The following PCDH15 variants were observed in gnomAD, a reference collection of about 807,000 sequenced individuals.
PCDH15 encodes protocadherin related 15.
In PCDH15, 129 loss-of-function variants were observed where a neutral mutation model predicts 178.5. The observed-to-expected ratio is 0.72, with a 90% CI of 0.63 to 0.84. The LOEUF (loss-of-function observed/expected upper bound fraction) is 0.84. PCDH15 is among the 40% of genes least tolerant of loss of function. The probability of loss-of-function intolerance (pLI) is 0.00; values close to 1 mark genes in which losing one functional copy is unlikely to be tolerated. For synonymous variants in PCDH15, 800 were observed against 732.0 expected, an observed-to-expected ratio of 1.09 and a Z score of -1.50; for missense variants, 2,230 against 2,099.9, an observed-to-expected ratio of 1.06 and a Z score of -1.21.
At chr10:55,418,750 CAT>C (rs1448676224) in intron 2 of PCDH15, among the ~76,000 whole-genome samples, 1 of 151,678 alleles carries the variant, frequency 6.6e-6, no homozygotes, top group Non-Finnish European at 1.5e-5. Context: ...AAATGAAAGT[CAT>C]AATAAAATCA....
At chr10:54,958,886 T>C (rs554515576) in intron 2 of PCDH15, among the ~76,000 whole-genome samples, 1 of 152,062 alleles carries the variant, frequency 6.6e-6, no homozygotes, top group Non-Finnish European at 1.5e-5. Flanking sequence ...ATGTTCTTTG[T>C]AAAACTGACT....
chr10:55,163,099 A>G (rs1049512966), intron 2 of PCDH15, among the ~76,000 whole-genome samples: 8 of 152,008 alleles, frequency 5.3e-5, no homozygotes, highest in Non-Finnish European at 1.2e-4. Context: ...TTATCAACCA[A>G]TCAGCAATTT....
intron 1 of PCDH15, among the ~76,000 whole-genome samples, chr10:55,210,703 A>T (rs1840546877): frequency 7.9e-6 from 1 of 126,892 alleles, no homozygotes; most frequent in African/African-American, 3.1e-5. Flanking sequence ...ATCTCGGCTC[A>T]CTGCAATCTC....
intron 18 of PCDH15, among the ~76,000 whole-genome samples, chr10:54,051,058 C>T (rs1180064699): frequency 6.6e-6 from 1 of 152,132 alleles, no homozygotes; most frequent in African/African-American, 2.4e-5. Context: ...TCGTAAGTTT[C>T]CTGAGGCTTC....
chr10:54,652,702 A>G (rs2094290039), intron 2 of PCDH15, among the ~76,000 whole-genome samples: 1 of 152,222 alleles, frequency 6.6e-6, no homozygotes, highest in African/African-American at 2.4e-5. Context: ...GTGAAGAGGC[A>G]GCAAGAGGGT....
At chr10:54,303,626 G>A (rs2060280481) in intron 8 of PCDH15, among the ~76,000 whole-genome samples, 1 of 152,032 alleles carries the variant, frequency 6.6e-6, no homozygotes, top group South Asian at 2.1e-4. Context: ...CCAAATGTGT[G>A]TTATTAATCA....
At chr10:54,461,517 C>T (rs1221679362) in intron 3 of PCDH15, among the ~76,000 whole-genome samples, 1 of 152,094 alleles carries the variant, frequency 6.6e-6, no homozygotes. Flanking sequence ...TGACTCTGTG[C>T]CTATAATATT....
At chr10:54,954,883 T>C (rs1377030400) in intron 2 of PCDH15, among the ~76,000 whole-genome samples, 2 of 151,206 alleles carry the variant, frequency 1.3e-5, no homozygotes, top group African/African-American at 4.8e-5. Flanking sequence ...ATTACTAGTT[T>C]AGAGGAATAT....
intron 3 of PCDH15, among the ~76,000 whole-genome samples, chr10:54,896,746 G>A (rs780137688): frequency 4.3e-4 from 65 of 152,002 alleles, no homozygotes; most frequent in Non-Finnish European, 8.4e-4. Context: ...TCTCTTCAAA[G>A]AGAAAAGAGC....
rs1840881442 is a variant in PCDH15 at position 55,221,753 on chromosome 10, CT to C, written c.-155-55103del. Among the ~76,000 whole-genome samples the C allele has an allele frequency of 2.0e-5, 3 of 152,002 alleles. No homozygotes were observed. In the South Asian group the frequency reaches 6.2e-4, roughly 32 times the overall value. On this transcript the variant is annotated intron_variant, in intron 1 of 5. Transcript: ENST00000458638. ...TAGAAGTGTAGTATATGTCAATAAC[CT>C]TCACACCATAGATATGGTAAAATGT...
chr10:54,289,865 C>A (rs1448369868), intron 8 of PCDH15, among the ~76,000 whole-genome samples: 4 of 152,018 alleles, frequency 2.6e-5, no homozygotes, highest in Non-Finnish European at 5.9e-5. Flanking sequence ...TAAAAAGAAA[C>A]AAACAAAGCC....
intron 23 of PCDH15, among the ~76,000 whole-genome samples, chr10:53,948,298 T>A (rs931967413): frequency 6.6e-6 from 1 of 152,148 alleles, no homozygotes; most frequent in African/African-American, 2.4e-5. Flanking sequence ...GCAAATTTAT[T>A]CCTCTCGCTT....
chr10:53,818,265 T>G (rs982083877), intron 33 of PCDH15: 1 of 308,092 alleles, frequency 3.2e-6, no homozygotes, highest in Non-Finnish European at 5.9e-6. Flanking sequence ...ACATGCAAAA[T>G]CTATTTTATT....
chr10:54,640,008 C>T (rs2093954376), intron 2 of PCDH15, among the ~76,000 whole-genome samples: 1 of 151,922 alleles, frequency 6.6e-6, no homozygotes, highest in Non-Finnish European at 1.5e-5. Context: ...TCACTTGAGC[C>T]CAGGAGGTCA....
intron 3 of PCDH15, among the ~76,000 whole-genome samples, chr10:54,837,705 C>T (rs141707501): frequency 0.012 from 1,820 of 152,152 alleles, 15 homozygotes; most frequent in South Asian, 0.034. Context: ...CCTGCTCATA[C>T]GCCACTACAG....
intron 23 of PCDH15, among the ~76,000 whole-genome samples, chr10:53,941,924 G>A (rs1441232545): frequency 6.6e-6 from 1 of 152,126 alleles, no homozygotes; most frequent in Non-Finnish European, 1.5e-5. Flanking sequence ...GAACTTAATA[G>A]AAGAATGTAC....
chr10:55,520,470 AT>A (rs1841147693), intron 2 of PCDH15, among the ~76,000 whole-genome samples: 1 of 146,956 alleles, frequency 6.8e-6, no homozygotes, highest in Admixed American at 6.9e-5. Context: ...AATTTACCGA[AT>A]TATTTCAAAA....
At chr10:54,463,107 A>G (rs1439552053) in intron 3 of PCDH15, among the ~76,000 whole-genome samples, 1 of 152,162 alleles carries the variant, frequency 6.6e-6, no homozygotes, top group African/African-American at 2.4e-5. Context: ...TAACATGTTC[A>G]ACTCTGTTCA....
intron 1 of PCDH15, among the ~76,000 whole-genome samples, chr10:54,800,308 G>A (rs1230513861): frequency 6.6e-6 from 1 of 152,134 alleles, no homozygotes; most frequent in Non-Finnish European, 1.5e-5. Context: ...TGTATTAGAA[G>A]GATACAGTTG....
Sources: allele counts gnomAD v4.1 joint callset (sites outside exome capture counted in the v4.1 genomes callset), GRCh38; gene constraint gnomAD v4.1.1; transcripts MANE v1.5; gene names NCBI Gene and HGNC (gene_info 2026-07-23, HGNC 2026-07-21).